CAB39: variants seen among roughly 807,000 people sequenced by gnomAD.
CAB39 encodes calcium binding protein 39, also known as calcium-binding protein 39.
In CAB39, 8 loss-of-function variants were observed where a neutral mutation model predicts 40.0. The observed-to-expected ratio is 0.20, with a 90% CI of 0.12 to 0.36. The LOEUF (loss-of-function observed/expected upper bound fraction) is 0.36, where lower values mean the gene tolerates loss of function less well. CAB39 is among the 10% of genes least tolerant of loss of function. The probability of loss-of-function intolerance (pLI) is 1.00; values close to 1 mark genes in which losing one functional copy is unlikely to be tolerated. For missense variants in CAB39, 270 were observed against 401.1 expected (o/e 0.67, Z 2.79); for synonymous variants, 156 against 141.6 (o/e 1.10, Z -0.72).
intron 5 of CAB39, 94 bp downstream of exon 5, chr2:230,798,991 G>A (rs981089228): frequency 4.3e-5 from 38 of 876,724 alleles, no homozygotes; most frequent in Non-Finnish European, 6.3e-5. Context: ...ACACGTGGCT[G>A]CCCTCTAGTG....
intron 1 of CAB39, among the ~76,000 whole-genome samples, chr2:230,734,489 T>G (rs1694749585): frequency 6.6e-6 from 1 of 152,136 alleles, no homozygotes; most frequent in East Asian, 1.9e-4. Context: ...TGGAGCTATG[T>G]GAGTGGTATG....
chr2:230,806,116 A>G (rs1696188937), intron 5 of CAB39, among the ~76,000 whole-genome samples: 1 of 152,196 alleles, frequency 6.6e-6, no homozygotes, highest in Non-Finnish European at 1.5e-5. Flanking sequence ...AATAAATACA[A>G]AATGAGATAC....
intron 1 of CAB39, among the ~76,000 whole-genome samples, chr2:230,725,732 C>G (rs1019126033): frequency 7.9e-5 from 12 of 152,210 alleles, no homozygotes; most frequent in Non-Finnish European, 1.5e-5. Context: ...GAGGTCAAGT[C>G]TCCTGGTCAG....
At chr2:230,724,689 A>C (rs534241304) in intron 1 of CAB39, among the ~76,000 whole-genome samples, 3 of 139,712 alleles carry the variant, frequency 2.1e-5, no homozygotes, top group Non-Finnish European at 4.6e-5. Flanking sequence ...TCTAAAAAAA[A>C]CACACACGCT....
At chr2:230,737,288 A>G (rs542508621) in intron 1 of CAB39, among the ~76,000 whole-genome samples, 1 of 152,328 alleles carries the variant, frequency 6.6e-6, no homozygotes, top group Admixed American at 6.5e-5. Context: ...CACTATCAGA[A>G]TCATGGCTAC....
chr2:230,756,850 G>A (rs1356494384), intron 1 of CAB39, among the ~76,000 whole-genome samples: 3 of 151,832 alleles, frequency 2.0e-5, no homozygotes, highest in Admixed American at 6.6e-5. Context: ...ACGCCACCAC[G>A]CCCAGCTGAT....
At chr2:230,803,687 A>C (rs1696134158) in intron 5 of CAB39, among the ~76,000 whole-genome samples, 1 of 152,218 alleles carries the variant, frequency 6.6e-6, no homozygotes, top group South Asian at 2.1e-4. Flanking sequence ...TAGGAGTGCA[A>C]CTTACAAGGG....
chr2:230,789,010 G>A (rs992354209), intron 2 of CAB39, among the ~76,000 whole-genome samples: 1 of 152,174 alleles, frequency 6.6e-6, no homozygotes, highest in South Asian at 2.1e-4. Context: ...TTTGGGGGCT[G>A]CAGTTACACA....
At chr2:230,792,526 C>T (rs984528206) in intron 3 of CAB39, among the ~76,000 whole-genome samples, 1 of 152,134 alleles carries the variant, frequency 6.6e-6, no homozygotes, top group Non-Finnish European at 1.5e-5. Flanking sequence ...ACTTGGAGTC[C>T]AGTTCTCCAT....
intron 2 of CAB39, among the ~76,000 whole-genome samples, chr2:230,769,366 A>C (rs542983554): frequency 1.4e-3 from 211 of 152,336 alleles, no homozygotes; most frequent in African/African-American, 4.8e-3. Flanking sequence ...GAAAATCAGC[A>C]AGGATTTTCT....
intron 2 of CAB39, among the ~76,000 whole-genome samples, chr2:230,771,022 G>C (rs1357773801): frequency 6.6e-6 from 1 of 152,112 alleles, no homozygotes; most frequent in Non-Finnish European, 1.5e-5. Flanking sequence ...ATTCAACTTC[G>C]TACTTGGAGG....
chr2:230,790,634 G>A (rs1695877569), intron 2 of CAB39, among the ~76,000 whole-genome samples: 1 of 152,090 alleles, frequency 6.6e-6, no homozygotes, highest in African/African-American at 2.4e-5. Context: ...TCAGTGTTTG[G>A]GTGTCTGTGT....
At chr2:230,751,961 C>T (rs1027547172) in intron 1 of CAB39, among the ~76,000 whole-genome samples, 1 of 148,884 alleles carries the variant, frequency 6.7e-6, no homozygotes, top group African/African-American at 2.5e-5. Flanking sequence ...TTTTTAAAAG[C>T]TCGAATTTTA....
At chr2:230,813,976 G>GTTTTTTTTTTTT (rs1335944963) in intron 6 of CAB39, 73 bp from the exon 7 acceptor site, 2 of 261,856 alleles carry the variant, frequency 7.6e-6, no homozygotes, top group Non-Finnish European at 6.2e-6. Context: ...TTACCTACCA[G>GTTTTTTTTTTTT]TCTTTTTTTT....
chr2:230,723,575 C>A (rs535964228), intron 1 of CAB39, among the ~76,000 whole-genome samples: 26 of 152,148 alleles, frequency 1.7e-4, no homozygotes, highest in Non-Finnish European at 3.2e-4. Context: ...CCTTTTGCTC[C>A]TTTTAGTGCC....
At chr2:230,797,985 G>A (rs1316347959) in intron 4 of CAB39, among the ~76,000 whole-genome samples, 5 of 152,268 alleles carry the variant, frequency 3.3e-5, no homozygotes, top group South Asian at 4.1e-4. Flanking sequence ...TTGAGGGGGC[G>A]GAAGAGTCCA....
chr2:230,785,282 T>G (rs1244495111), intron 2 of CAB39, among the ~76,000 whole-genome samples: 1 of 148,622 alleles, frequency 6.7e-6, no homozygotes, highest in Non-Finnish European at 1.5e-5. Flanking sequence ...GGCTGAAGAG[T>G]GAGTGAGGAA....
chr2:230,815,287 TTGC>T (rs1219803706), intron 7 of CAB39, among the ~76,000 whole-genome samples: 13 of 152,234 alleles, frequency 8.5e-5, no homozygotes, highest in African/African-American at 2.7e-4. Context: ...TTCATTGCTG[TTGC>T]TTGGGCCCCA....
At chr2:230,791,786 C>A (rs1695897022) in intron 3 of CAB39, among the ~76,000 whole-genome samples, 1 of 152,176 alleles carries the variant, frequency 6.6e-6, no homozygotes, top group Non-Finnish European at 1.5e-5. Context: ...ACAGTTGGAT[C>A]ATGCTATGTT....
Sources: allele counts gnomAD v4.1 joint callset (sites outside exome capture counted in the v4.1 genomes callset), GRCh38; gene constraint gnomAD v4.1.1; transcripts MANE v1.5; gene names NCBI Gene and HGNC (gene_info 2026-07-23, HGNC 2026-07-21).